The following CELA2B variants were observed in gnomAD, a reference collection of about 807,000 sequenced individuals.
The protein encoded by CELA2B is chymotrypsin like elastase 2B.
A neutral mutation model predicts 36.5 loss-of-function variants in CELA2B; 27 were observed. The ratio of observed to expected loss-of-function variants is 0.74; its 90% CI spans 0.55 to 1.02. CELA2B has a LOEUF of 1.02. CELA2B is among the 50% of genes least tolerant of loss of function. The pLI is 0.00. For synonymous variants in CELA2B, 143 were observed against 148.5 expected, an observed-to-expected ratio of 0.96 and a Z score of 0.27; for missense variants, 340 against 347.8, an observed-to-expected ratio of 0.98 and a Z score of 0.18.
At position 15,476,508 on chromosome 1, in the gene CELA2B, G is replaced by C. The variant is rs1708672838; in HGVS notation, c.92G>C (p.Gly31Ala). ...TYAPDMSRML[G>A]GEEARPNSWP... ...GCGCCTGATATGTCTAGGATGCTTGGAGGTGAAGAAGCGAGGCCCAACAGC... is the reference window on the plus strand; with the variant it reads ...GCGCCTGATATGTCTAGGATGCTTGCAGGTGAAGAAGCGAGGCCCAACAGC... Residue 31 changes from glycine to alanine, a missense_variant, in exon 2 of 8, where the codon GGA becomes GCA. Transcript: ENST00000375910. The C allele has an allele frequency of 2.5e-6, 4 of 1,613,972 alleles. No homozygotes were observed. The highest frequency in any genetic ancestry group is 3.4e-6 in the Non-Finnish European group (4 of 1,180,040).
chr1:15,476,933 G>T (rs1474747086), intron 2 of CELA2B, among the ~76,000 whole-genome samples: 1 of 152,136 alleles, frequency 6.6e-6, no homozygotes, highest in Non-Finnish European at 1.5e-5. Context: ...AGTGAGCTGA[G>T]ATCGCACCAC....
At chr1:15,481,076 A>C in intron 2 of CELA2B, 22 bp from the exon 3 acceptor site, 1 of 1,611,380 alleles carries the variant, frequency 6.2e-7, no homozygotes. Context: ...AGCCACAGCC[A>C]CAGACCTGTG....
intron 3 of CELA2B, chr1:15,481,681 T>A (rs1405864085): frequency 2.1e-6 from 1 of 471,386 alleles, no homozygotes; most frequent in Non-Finnish European, 4.4e-6. Context: ...TGCAACGTTG[T>A]TCACTTATCC....
chr1:15,483,236 C>G, intron 4 of CELA2B, 28 bp from the exon 5 acceptor site: 1 of 1,612,918 alleles, frequency 6.2e-7, no homozygotes, highest in East Asian at 2.2e-5. Flanking sequence ...CAACCCTGTT[C>G]TCATGCTCCG....
chr1:15,478,055 T>C (rs1421006130), intron 2 of CELA2B, among the ~76,000 whole-genome samples: 1 of 152,062 alleles, frequency 6.6e-6, no homozygotes, highest in African/African-American at 2.4e-5. Context: ...TCCCAGCACT[T>C]TGGGAGGCCA....
chr1:15,485,838 C>A (rs1312991399), intron 5 of CELA2B, 63 bp from the exon 6 acceptor site: 1 of 1,591,318 alleles, frequency 6.3e-7, no homozygotes, highest in Non-Finnish European at 8.6e-7. Context: ...CAGTAGGGGT[C>A]CACCACTTCC....
At chr1:15,491,199 G>T in intron 7 of CELA2B, 96 bp from the exon 8 acceptor site, 1 of 1,458,164 alleles carries the variant, frequency 6.9e-7, no homozygotes, top group South Asian at 1.1e-5. Flanking sequence ...TGACTCACTT[G>T]AGTAGCTTAG....
At chr1:15,476,743 A>C (rs1478390326) in intron 2 of CELA2B, among the ~76,000 whole-genome samples, 198 bp downstream of exon 2, 1 of 152,128 alleles carries the variant, frequency 6.6e-6, no homozygotes, top group African/African-American at 2.4e-5. Context: ...AGCACTTTGG[A>C]AGGTCGTGGT....
At chr1:15,482,446 G>A in intron 4 of CELA2B, 53 bp downstream of exon 4, 3 of 1,611,048 alleles carry the variant, frequency 1.9e-6, no homozygotes, top group East Asian at 4.5e-5. Flanking sequence ...GAACAGATGG[G>A]GGTCTCACAG....
chr1:15,491,318 A>G lies in CELA2B; in HGVS notation c.*6A>G. The G allele has an allele frequency of 6.2e-7, 1 of 1,614,176 alleles. No homozygotes were observed. Among genetic ancestry groups the G allele is most frequent in the Non-Finnish European group, 8.5e-7 (1 of 1,180,018 alleles). ...AGGTGATTGCAAATAACTAACCAAA[A>G]GAAGTCCCTGGGACTGTTTCAGACT... On this transcript the variant is annotated 3_prime_UTR_variant, in exon 8 of 8. Transcript: ENST00000375910.
intron 5 of CELA2B, among the ~76,000 whole-genome samples, chr1:15,485,599 A>T (rs1245225603): frequency 6.6e-6 from 1 of 152,230 alleles, no homozygotes; most frequent in African/African-American, 2.4e-5. Flanking sequence ...AGAAAATGTC[A>T]GCCATTGACA....
At chr1:15,491,215 G>T (rs1708887589) in intron 7 of CELA2B, 80 bp from the exon 8 acceptor site, 7 of 1,567,098 alleles carry the variant, frequency 4.5e-6, no homozygotes, top group Non-Finnish European at 6.2e-6. Context: ...CTTAGCCCAG[G>T]AGGACAGAGA....
intron 7 of CELA2B, among the ~76,000 whole-genome samples, chr1:15,490,267 C>A (rs1468954680): frequency 7.1e-6 from 1 of 140,166 alleles, no homozygotes; most frequent in Admixed American, 7.3e-5. Flanking sequence ...TATATACACA[C>A]ACACACACAT....
intron 3 of CELA2B, 122 bp downstream of exon 3, chr1:15,481,317 C>G (rs1179322411): frequency 2.6e-6 from 3 of 1,170,082 alleles, no homozygotes; most frequent in Admixed American, 3.7e-5. Flanking sequence ...CTAGCCTGGC[C>G]GAGACACAAG....
At chr1:15,481,053 G>A in intron 2 of CELA2B, 45 bp from the exon 3 acceptor site, 3 of 1,605,290 alleles carry the variant, frequency 1.9e-6, no homozygotes, top group Non-Finnish European at 2.6e-6. Context: ...GTGCAGGGAG[G>A]CCCTGCTTTT....
chr1:15,476,298 T>C (rs1708669277), intron 1 of CELA2B, 133 bp downstream of exon 1: 2 of 1,435,534 alleles, frequency 1.4e-6, no homozygotes, highest in South Asian at 1.2e-5. Flanking sequence ...AAAACCGAAA[T>C]GGAGTTTCAA....
intron 4 of CELA2B, 111 bp from the exon 5 acceptor site, chr1:15,483,153 G>C: frequency 6.6e-7 from 1 of 1,526,422 alleles, no homozygotes; most frequent in African/African-American, 1.4e-5. Context: ...GCCGGTCAGA[G>C]CAACCTGGGG....
In CELA2B at chr1:15,487,417, TACA is replaced by T. The variant is rs761215684; in HGVS notation, c.775_777del (p.Asn259del). The T allele has an allele frequency of 1.2e-5, 19 of 1,614,088 alleles. No homozygotes were observed. The Middle Eastern group carries it at 4.9e-4, about 42-fold the overall frequency. On this transcript the variant is annotated inframe_deletion, in exon 7 of 8. Transcript: ENST00000375910. ...CTCCATCTTCACGCGGGTCTCCAACTACAACGACTGGATCAATTCGGTAAGAAC... is the reference window on the plus strand; with the variant it reads ...CTCCATCTTCACGCGGGTCTCCAACTACGACTGGATCAATTCGGTAAGAAC...
chr1:15,477,332 G>A (rs1708685411), intron 2 of CELA2B, among the ~76,000 whole-genome samples: 1 of 152,142 alleles, frequency 6.6e-6, no homozygotes, highest in Non-Finnish European at 1.5e-5. Flanking sequence ...TGGGGCACAG[G>A]CACAAATTAC....
Sources: allele counts gnomAD v4.1 joint callset (sites outside exome capture counted in the v4.1 genomes callset), GRCh38; gene constraint gnomAD v4.1.1; transcripts MANE v1.5; gene names NCBI Gene and HGNC (gene_info 2026-07-23, HGNC 2026-07-21).